OSBPL10: variants seen among roughly 807,000 people sequenced by gnomAD.
The protein encoded by OSBPL10 is oxysterol-binding protein-related protein 10.
In OSBPL10, 49 loss-of-function variants were observed where a neutral mutation model predicts 81.7. The ratio of observed to expected loss-of-function variants is 0.60; its 90% CI spans 0.48 to 0.76. OSBPL10 has a LOEUF of 0.76. Ranked by LOEUF, OSBPL10 falls within the 30% of genes least tolerant of loss-of-function variation. The pLI is 0.00. For missense variants in OSBPL10, 923 were observed against 987.8 expected (o/e 0.93, Z 0.88); for synonymous variants, 419 against 383.6 (o/e 1.09, Z -1.08).
chr3:31,789,022 A>G (rs554940435), intron 4 of OSBPL10, among the ~76,000 whole-genome samples: 7 of 151,540 alleles, frequency 4.6e-5, no homozygotes, highest in African/African-American at 1.7e-4. Flanking sequence ...TCTGTCACCC[A>G]GGCTGGAGTG....
At chr3:32,050,097 A>C (rs1699657860) in intron 1 of OSBPL10, among the ~76,000 whole-genome samples, 2 of 152,184 alleles carry the variant, frequency 1.3e-5, no homozygotes, top group Admixed American at 1.3e-4. Context: ...CTCTTGTCCC[A>C]AGGTCCTTAG....
chr3:31,765,503 AATG>A (rs1447053828), intron 4 of OSBPL10, among the ~76,000 whole-genome samples: 24 of 152,082 alleles, frequency 1.6e-4, no homozygotes, highest in African/African-American at 5.6e-4. Context: ...TGAGTGAATG[AATG>A]AATGAATGAA....
chr3:31,789,400 T>A (rs187996185), intron 4 of OSBPL10, among the ~76,000 whole-genome samples: 4 of 152,226 alleles, frequency 2.6e-5, no homozygotes, highest in African/African-American at 9.6e-5. Flanking sequence ...GAAAGAGTAG[T>A]CTAGTCAGCC....
rs1020740645 is a variant in OSBPL10, at chr3:31,668,686, G to A, written c.2052C>T (p.Pro684=). The change falls in exon 10 of 12, where the codon CCC becomes CCT. Residue 684 remains proline, a synonymous_variant. Transcript: ENST00000396556. ...VIDTTTLPVY[P]KKIRPLEKQG... ...GCTTCTCAAGAGGTCTGATCTTCTT[G>A]GGATACACTGGCAGTGTGGTTGTGT... The A allele has an allele frequency of 3.7e-6, 6 of 1,613,890 alleles. No individual in the cohort carries two copies. The African/African-American group carries it at 8.0e-5, about 22-fold the overall frequency.
intron 1 of OSBPL10, among the ~76,000 whole-genome samples, chr3:31,914,038 T>C (rs1229287027): frequency 6.6e-6 from 1 of 152,170 alleles, no homozygotes; most frequent in African/African-American, 2.4e-5. Flanking sequence ...TTCTCCTGTG[T>C]CAGCTCCCAA....
intron 1 of OSBPL10, among the ~76,000 whole-genome samples, chr3:31,944,013 CTT>C (rs950568472): frequency 2.6e-4 from 32 of 125,086 alleles, no homozygotes; most frequent in Admixed American, 1.1e-3. Flanking sequence ...AGAAACAACA[CTT>C]AATATATGAA....
intron 4 of OSBPL10, among the ~76,000 whole-genome samples, chr3:31,797,406 G>C (rs536079253): frequency 1.2e-4 from 18 of 152,180 alleles, no homozygotes; most frequent in Non-Finnish European, 2.6e-4. Flanking sequence ...CTCTTAGATG[G>C]AATCTCCCAC....
At chr3:31,901,549 C>G (rs1251792525) in intron 1 of OSBPL10, among the ~76,000 whole-genome samples, 2 of 152,220 alleles carry the variant, frequency 1.3e-5, no homozygotes, top group African/African-American at 4.8e-5. Flanking sequence ...GCAAAGTCTT[C>G]CCTTTCTCAT....
chr3:31,707,384 T>C (rs1411440625), intron 6 of OSBPL10: 2 of 152,186 alleles, frequency 1.3e-5, no homozygotes, highest in Non-Finnish European at 2.9e-5. Flanking sequence ...AAAACCTATA[T>C]GGCAAGGACA....
At chr3:31,859,886 A>T (rs1015068836) in intron 3 of OSBPL10, among the ~76,000 whole-genome samples, 1 of 152,226 alleles carries the variant, frequency 6.6e-6, no homozygotes, top group Non-Finnish European at 1.5e-5. Flanking sequence ...CCAGCAAAGT[A>T]GGTGGCATTC....
chr3:31,939,186 C>T (rs1218674944), intron 1 of OSBPL10, among the ~76,000 whole-genome samples: 1 of 149,956 alleles, frequency 6.7e-6, no homozygotes, highest in Admixed American at 6.7e-5. Flanking sequence ...ACTCTGTCGC[C>T]CAGGCTGGAG....
chr3:31,699,962 C>G lies in OSBPL10; in HGVS notation c.1245+2397G>C, dbSNP rs145227162. 2.4e-4 allele frequency among the ~76,000 whole-genome samples: 37 copies of G among 152,258 alleles called. 1 individual carries two copies. In the Middle Eastern group the frequency reaches 0.01, roughly 42 times the overall value. On this transcript the variant is annotated intron_variant, in intron 7 of 11. Coordinates refer to ENST00000396556, the MANE Select transcript of OSBPL10 (RefSeq NM_017784.5). ...TACAGGCTTAATTTAATGACATGGA[C>G]AACTGCCAAGAAGAGAAAAGGGGAC... is the stretch of plus-strand genomic sequence containing the variant.
chr3:31,978,410 G>T (rs1204928272), intron 1 of OSBPL10, among the ~76,000 whole-genome samples: 2 of 152,176 alleles, frequency 1.3e-5, no homozygotes, highest in Admixed American at 1.3e-4. Flanking sequence ...AACAGTCTGT[G>T]AATAGATAAT....
At chr3:31,751,389 TAAAATAAAATAAAATA>T (rs1214800708) in intron 4 of OSBPL10, among the ~76,000 whole-genome samples, 2 of 40,596 alleles carry the variant, frequency 4.9e-5, no homozygotes, top group South Asian at 6.9e-4. Flanking sequence ...TAAAATAAAA[TAAAATAAAATAAAATA>T]AAAATAAAAA....
intron 6 of OSBPL10, among the ~76,000 whole-genome samples, chr3:31,720,392 G>A (rs939477727): frequency 6.6e-6 from 1 of 152,176 alleles, no homozygotes; most frequent in Non-Finnish European, 1.5e-5. Flanking sequence ...GGAAAAGCAA[G>A]TTTGAAAAGG....
Position 31,882,125 on chromosome 3 carries a change from C to T in OSBPL10, c.282-2295G>A, listed in dbSNP as rs938146956. 3.3e-5 allele frequency among the ~76,000 whole-genome samples: 5 copies of T among 152,308 alleles called. No homozygotes were observed. The South Asian group carries it at 6.2e-4, about 19-fold the overall frequency. On this transcript the variant is annotated intron_variant, in intron 1 of 11. Transcript: ENST00000396556. ...CAGTAGAGGTCCCTACTTATGGCCC[C>T]GGCAAGGGAGCAAGTCGCAGCCATC...
intron 4 of OSBPL10, among the ~76,000 whole-genome samples, chr3:31,796,520 GATACC>G: frequency 6.6e-6 from 1 of 152,230 alleles, no homozygotes; most frequent in Admixed American, 6.5e-5. Context: ...ATCCCCTGTG[GATACC>G]AAGGGACAAT....
rs559459670 is a variant in OSBPL10 at position 31,962,576 on chromosome 3, C to T, written c.281+18323G>A. Among the ~76,000 whole-genome samples, 6 of 152,058 alleles carry T rather than the reference C, an allele frequency of 3.9e-5. No individual in the cohort carries two copies. In the South Asian group the frequency reaches 1.2e-3, roughly 32 times the overall value. On this transcript the variant is annotated intron_variant, in intron 1 of 11. Transcript: ENST00000396556. ...CACCATCTTTAAATGGGAACCAGCA[C>T]AGGAGAAGTGCCATAAATACTCTGC... is the stretch of plus-strand genomic sequence containing the variant.
At chr3:31,810,543 C>G (rs918902251) in intron 4 of OSBPL10, among the ~76,000 whole-genome samples, 1 of 151,820 alleles carries the variant, frequency 6.6e-6, no homozygotes, top group African/African-American at 2.4e-5. Context: ...AAACAACTGA[C>G]AAATTATGAA....
Sources: gnomAD v4.1 joint callset for allele counts (sites outside exome capture counted in the v4.1 genomes callset) on GRCh38, gnomAD v4.1.1 for gene constraint, MANE v1.5 for transcripts, NCBI Gene and HGNC (gene_info 2026-07-23, HGNC 2026-07-21) for gene names.